The following RORA variants were observed in gnomAD, a reference collection of about 807,000 sequenced individuals.
The protein encoded by RORA is nuclear receptor ROR-alpha.
Under a neutral mutation model 69.5 loss-of-function variants are expected in RORA, and 7 were observed. That is an observed-to-expected ratio of 0.10 (90% confidence interval 0.06 to 0.19). RORA has a LOEUF of 0.19. RORA is among the 10% of genes least tolerant of loss of function. The pLI, the probability that RORA is intolerant of heterozygous loss-of-function variation, is 1.00. For missense variants in RORA, 457 were observed against 663.0 expected (o/e 0.69, Z 3.41); for synonymous variants, 261 against 240.8 (o/e 1.08, Z -0.78).
At chr15:60,940,889 C>G (rs111536973) in intron 1 of RORA, among the ~76,000 whole-genome samples, 1 of 152,088 alleles carries the variant, frequency 6.6e-6, no homozygotes, top group African/African-American at 2.4e-5. Flanking sequence ...ATCGCACCAC[C>G]GCACTCCAGC....
At chr15:60,692,582 G>A (rs1400067331) in intron 1 of RORA, among the ~76,000 whole-genome samples, 1 of 152,204 alleles carries the variant, frequency 6.6e-6, no homozygotes, top group East Asian at 1.9e-4. Flanking sequence ...ATGATATGAT[G>A]TCTGGGATTT....
intron 1 of RORA, among the ~76,000 whole-genome samples, chr15:60,829,346 T>C (rs1436979613): frequency 1.3e-5 from 2 of 152,174 alleles, no homozygotes; most frequent in African/African-American, 4.8e-5. Context: ...TCAGTCCCTG[T>C]ATCAGTGAGC....
rs149696046 is a variant in RORA, at chr15:61,128,802, C to A, written c.166+100251G>T. 6.6e-6 allele frequency among the ~76,000 whole-genome samples: 1 copy of A among 152,064 alleles called. No individual in the cohort carries two copies. Among genetic ancestry groups the A allele is most frequent in the Non-Finnish European group, 1.5e-5 (1 of 68,020 alleles). ...CAAATATTGGCAATGCATCCTGAGA[C>A]AAGAGTCAAGTGCTAAGCAAAGTCA... On this transcript the variant is annotated intron_variant, in intron 1 of 10. Transcript: ENST00000335670. The surrounding 1 kb of genome is among the most constrained non-coding windows in gnomAD (Gnocchi z 4.5).
chr15:61,056,788 C>T (rs1372284080), intron 1 of RORA, among the ~76,000 whole-genome samples: 3 of 152,202 alleles, frequency 2.0e-5, no homozygotes, highest in Admixed American at 6.5e-5. Flanking sequence ...GGCAGACACC[C>T]GTCCAGTTTC....
chr15:60,597,587 TATATATAC>T lies in RORA; in HGVS notation c.197-65744_197-65737del, dbSNP rs2068712534. ...ATATATATATATACACATATATATA[TATATATAC>T]ACATATATATATATATATATATACA... On this transcript the variant is annotated intron_variant, in intron 2 of 10. Transcript: ENST00000335670. Among the ~76,000 whole-genome samples the T allele has an allele frequency of 8.8e-5, 2 of 22,626 alleles. 1 individual carries two copies. The highest frequency in any genetic ancestry group is 1.6e-4 in the Non-Finnish European group (2 of 12,540). The allele number at this position is 22,626 out of a possible 152,430, so 14.8% of individuals were successfully genotyped here. A position where few individuals can be genotyped will look rare whatever the true frequency, so the allele number is the denominator to read the frequency against.
chr15:60,631,830 T>C (rs992743110), intron 2 of RORA, among the ~76,000 whole-genome samples: 7 of 152,174 alleles, frequency 4.6e-5, no homozygotes, highest in African/African-American at 1.4e-4. Flanking sequence ...CCGCAGCATC[T>C]GAAAAGCCAG....
intron 1 of RORA, among the ~76,000 whole-genome samples, chr15:60,782,258 AC>A (rs2072275311): frequency 6.6e-6 from 1 of 152,156 alleles, no homozygotes; most frequent in Non-Finnish European, 1.5e-5. Context: ...TGCCCGTTGC[AC>A]GACTGTTTTC....
At chr15:61,212,423 G>A (rs898361504) in intron 1 of RORA, among the ~76,000 whole-genome samples, 14 of 152,150 alleles carry the variant, frequency 9.2e-5, no homozygotes, top group East Asian at 1.9e-4. Flanking sequence ...TTTTTGGGAC[G>A]GAGTCTCACT....
chr15:60,787,695 G>C (rs2072357333), intron 1 of RORA, among the ~76,000 whole-genome samples: 1 of 152,154 alleles, frequency 6.6e-6, no homozygotes, highest in Non-Finnish European at 1.5e-5. Context: ...GCTAGGAGAG[G>C]ATATAACCCA....
At chr15:61,025,311 G>A (rs750256609) in intron 1 of RORA, among the ~76,000 whole-genome samples, 1 of 152,108 alleles carries the variant, frequency 6.6e-6, no homozygotes, top group Non-Finnish European at 1.5e-5. Flanking sequence ...TTGTGAAAAC[G>A]CCTCTCCTGA....
chr15:60,544,545 T>C (rs1446760482), intron 2 of RORA, among the ~76,000 whole-genome samples: 2 of 152,216 alleles, frequency 1.3e-5, no homozygotes, highest in African/African-American at 4.8e-5. Flanking sequence ...GAGAATTTTT[T>C]TTCAAAACCA....
intron 1 of RORA, among the ~76,000 whole-genome samples, chr15:60,948,565 T>C (rs930104193): frequency 1.1e-4 from 17 of 152,244 alleles, no homozygotes; most frequent in Admixed American, 3.3e-4. Context: ...CAGACTTTTT[T>C]ACATGAGCAA....
intron 1 of RORA, among the ~76,000 whole-genome samples, chr15:61,071,233 G>A (rs1410266929): frequency 1.1e-4 from 2 of 17,840 alleles, no homozygotes; most frequent in East Asian, 1.3e-3. Flanking sequence ...GAAGGGAAGG[G>A]AGGGGAGGGG....
At chr15:60,610,722 CAGAG>C (rs148423081) in intron 2 of RORA, among the ~76,000 whole-genome samples, 11 of 149,468 alleles carry the variant, frequency 7.4e-5, no homozygotes, top group Middle Eastern at 3.5e-3. Context: ...ACACTGAGAT[CAGAG>C]AGAGAGAGAG....
intron 1 of RORA, among the ~76,000 whole-genome samples, chr15:61,107,848 A>C (rs1333248811): frequency 6.6e-6 from 1 of 152,214 alleles, no homozygotes; most frequent in South Asian, 2.1e-4. Context: ...CAGAGAGAAT[A>C]CACTATCCAT....
chr15:60,617,518 T>G (rs1002864242), intron 2 of RORA, among the ~76,000 whole-genome samples: 13 of 152,262 alleles, frequency 8.5e-5, no homozygotes, highest in African/African-American at 2.9e-4. Flanking sequence ...CCGGAGGGAC[T>G]GCCTGCAGAA....
At chr15:60,955,669 C>A (rs944118012) in intron 1 of RORA, among the ~76,000 whole-genome samples, 6 of 152,190 alleles carry the variant, frequency 3.9e-5, no homozygotes, top group African/African-American at 1.2e-4. Context: ...CAACTGCTGT[C>A]TTTTGCTGGA....
intron 1 of RORA, among the ~76,000 whole-genome samples, chr15:60,774,743 T>C (rs1039166873): frequency 2.0e-5 from 3 of 152,228 alleles, no homozygotes; most frequent in African/African-American, 7.2e-5. Context: ...GGTCTCTTTC[T>C]AAAGGCTGTA....
chr15:60,568,504 G>C (rs2067781231), intron 2 of RORA, among the ~76,000 whole-genome samples: 1 of 152,206 alleles, frequency 6.6e-6, no homozygotes, highest in Non-Finnish European at 1.5e-5. Flanking sequence ...TCAGTGTGGT[G>C]TCAGAATGAT....
Sources: allele counts gnomAD v4.1 joint callset (sites outside exome capture counted in the v4.1 genomes callset), GRCh38; gene constraint gnomAD v4.1.1; non-coding constraint Gnocchi (gnomAD v3.1); transcripts MANE v1.5; gene names NCBI Gene and HGNC (gene_info 2026-07-23, HGNC 2026-07-21).